MYLK4: variants seen among roughly 807,000 people sequenced by gnomAD.
MYLK4 encodes caMLCK like.
In MYLK4, 46 loss-of-function variants were observed where a neutral mutation model predicts 48.1. That is an observed-to-expected ratio of 0.96 (90% CI 0.75 to 1.22). MYLK4 has a LOEUF of 1.22. MYLK4 is among the 50% of genes most tolerant of loss of function. The probability of loss-of-function intolerance (pLI) is 0.00; values close to 1 mark genes in which losing one functional copy is unlikely to be tolerated. For missense variants in MYLK4, 451 were observed against 486.1 expected, an observed-to-expected ratio of 0.93 and a Z score of 0.68; for synonymous variants, 170 against 180.8, an observed-to-expected ratio of 0.94 and a Z score of 0.48.
At chr6:2,747,292 G>A (rs527456165) in intron 2 of MYLK4, among the ~76,000 whole-genome samples, 8 of 152,244 alleles carry the variant, frequency 5.3e-5, no homozygotes, top group South Asian at 2.1e-4. Context: ...GTAGTTGGCT[G>A]CACAAAAGTA....
Position 2,685,960 on chromosome 6 carries a change from C to G in MYLK4, c.342-384G>C, listed in dbSNP as rs560012470. ...GCATGTGTCTGTAGTCCCAGCTACT[C>G]GGGAGGCTGAGGCAGGAGAACGGCG... is the stretch of plus-strand genomic sequence containing the variant. On this transcript the variant is annotated intron_variant, in intron 4 of 12. Transcript: ENST00000274643. This position sits in a 1 kb window ranked among gnomAD's most constrained non-coding sequence, Gnocchi z 4.5. Among the ~76,000 whole-genome samples, 6 of 151,252 alleles carry G rather than the reference C, an allele frequency of 4.0e-5. No individual in the cohort carries two copies. The highest frequency in any genetic ancestry group is 1.9e-4 in the East Asian group (1 of 5,132).
chr6:2,758,465 C>T, the MYLK4 span, among the ~76,000 whole-genome samples: 3 of 151,316 alleles, frequency 2.0e-5, no homozygotes, highest in African/African-American at 7.3e-5. Context: ...ATATATGTAT[C>T]TTTTATTGAA....
At chr6:2,766,183 G>A in the MYLK4 span, 1 of 1,381,830 alleles carries the variant, frequency 7.2e-7, no homozygotes, top group Middle Eastern at 2.6e-4. Context: ...ACGACCCGGG[G>A]CACTGGGACG....
At chr6:2,770,012 C>A in the MYLK4 span, 2 of 1,494,656 alleles carry the variant, frequency 1.3e-6, no homozygotes, top group South Asian at 2.5e-5. Flanking sequence ...TTCCTGAACT[C>A]GAAAGATAAA....
chr6:2,687,815 C>T (rs1761616659), intron 4 of MYLK4, among the ~76,000 whole-genome samples: 1 of 152,188 alleles, frequency 6.6e-6, no homozygotes, highest in South Asian at 2.1e-4. Flanking sequence ...ACTGCAGTAG[C>T]GATGCGTGCT....
intron 2 of MYLK4, among the ~76,000 whole-genome samples, chr6:2,718,573 T>C (rs1186794224): frequency 6.6e-6 from 1 of 152,134 alleles, no homozygotes; most frequent in Non-Finnish European, 1.5e-5. Flanking sequence ...TTTGGGACCA[T>C]GAAGAAAAGG....
chr6:2,761,619 G>A, the MYLK4 span, among the ~76,000 whole-genome samples: 1 of 152,118 alleles, frequency 6.6e-6, no homozygotes, highest in Non-Finnish European at 1.5e-5. Flanking sequence ...AGACCGTGAG[G>A]TAGGCATTCT....
In MYLK4 at chr6:2,702,883, C is replaced by G. The variant is rs1188948231; in HGVS notation, c.160-10024G>C. ...GTTTTACTCCTAAGATATGCTTAAG[C>G]CCTCAATATATGAAGAACATGAACA... On this transcript the variant is annotated intron_variant, in intron 2 of 12. Transcript: ENST00000274643. Among the ~76,000 whole-genome samples the G allele has an allele frequency of 2.0e-5, 3 of 152,164 alleles. 1 individual carries two copies. The South Asian group carries it at 6.2e-4, about 32-fold the overall frequency.
At chr6:2,769,611 C>T in the MYLK4 span, among the ~76,000 whole-genome samples, 3 of 152,112 alleles carry the variant, frequency 2.0e-5, no homozygotes, top group Middle Eastern at 3.4e-3. Context: ...TCTGACGAGG[C>T]GTTAGCATTC....
At chr6:2,688,058 CTT>C (rs534105075) in intron 4 of MYLK4, among the ~76,000 whole-genome samples, 1 of 127,474 alleles carries the variant, frequency 7.8e-6, no homozygotes, top group Non-Finnish European at 1.8e-5. Flanking sequence ...TTTTTCTTTT[CTT>C]TTTTTTTCTT....
intron 2 of MYLK4, among the ~76,000 whole-genome samples, chr6:2,699,457 A>AT (rs11398275): frequency 0.87 from 120,828 of 138,100 alleles, 52,968 homozygotes; most frequent in Non-Finnish European, 0.91. Context: ...CACCTGGCTA[A>AT]TTTTTTTTTT....
At position 2,688,896 on chromosome 6, in the gene MYLK4, G is replaced by A. The variant is rs771991937; in HGVS notation, c.296C>T (p.Ala99Val). 1.7e-5 allele frequency: 27 copies of A among 1,614,044 alleles called. No individual in the cohort carries two copies. The highest frequency in any genetic ancestry group is 1.6e-4 in the Middle Eastern group (1 of 6,082). The stretch of plus-strand genomic sequence containing the variant: ...GCTCACAGTATAGAAGCTGTTGACC[G>A]CTCCTTGCTTGGCTGTCACAATACG... The part of the protein sequence containing the change: ...DHRIVTAKQG[A>V]VNSFYTVSKT... The change falls in exon 4 of 13, where the codon GCG (alanine) becomes GTG (valine). Residue 99 changes from alanine to valine, a missense_variant. Transcript: ENST00000274643.
At chr6:2,745,980 C>A (rs1463747092) in intron 2 of MYLK4, among the ~76,000 whole-genome samples, 1 of 150,554 alleles carries the variant, frequency 6.6e-6, no homozygotes, top group Non-Finnish European at 1.5e-5. Flanking sequence ...AGGCCGGGCA[C>A]GGTGGCTCAC....
chr6:2,686,535 C>T (rs1463234082), intron 4 of MYLK4, among the ~76,000 whole-genome samples: 1 of 152,190 alleles, frequency 6.6e-6, no homozygotes, highest in South Asian at 2.1e-4. Flanking sequence ...TAAGCTAGAA[C>T]ACGTGTCCCT....
At chr6:2,766,495 G>C in the MYLK4 span, 3 of 1,448,886 alleles carry the variant, frequency 2.1e-6, no homozygotes, top group African/African-American at 4.2e-5. Flanking sequence ...GGCGGTGGAT[G>C]CAGCTGATGG....
In MYLK4 at chr6:2,730,659, G is replaced by A. The variant is rs1445761683; in HGVS notation, c.159+18477C>T. Reference sequence around the variant, plus strand: ...AATGGCCTGTGCTATTTAATACAGAGGAGATGCTTACCACAGCCCCCTCAT... The same window carrying A: ...AATGGCCTGTGCTATTTAATACAGAAGAGATGCTTACCACAGCCCCCTCAT... On this transcript the variant is annotated intron_variant, in intron 2 of 12. Coordinates refer to ENST00000274643, the MANE Select transcript of MYLK4 (RefSeq NM_001012418.5). Among the ~76,000 whole-genome samples the A allele has an allele frequency of 2.6e-5, 4 of 152,080 alleles. No individual in the cohort carries two copies. The East Asian group carries it at 7.7e-4, about 29-fold the overall frequency.
At chr6:2,686,686 G>A (rs1025693715) in intron 4 of MYLK4, among the ~76,000 whole-genome samples, 1 of 152,206 alleles carries the variant, frequency 6.6e-6, no homozygotes, top group East Asian at 1.9e-4. Flanking sequence ...CAGGGGCACT[G>A]GCGGCCGCTG....
At chr6:2,742,632 A>AC (rs1763936927) in intron 2 of MYLK4, among the ~76,000 whole-genome samples, 2 of 149,206 alleles carry the variant, frequency 1.3e-5, no homozygotes, top group African/African-American at 4.9e-5. Flanking sequence ...AAAACCGAAC[A>AC]CCGCATGTTC....
intron 2 of MYLK4, among the ~76,000 whole-genome samples, chr6:2,724,878 T>G (rs576452830): frequency 1.8e-4 from 28 of 152,292 alleles, no homozygotes; most frequent in African/African-American, 6.7e-4. Flanking sequence ...ATAGTAAAAC[T>G]ATATATAATT....
Sources: gnomAD v4.1 joint callset for allele counts (sites outside exome capture counted in the v4.1 genomes callset) on GRCh38, gnomAD v4.1.1 for gene constraint, Gnocchi (gnomAD v3.1) non-coding constraint, MANE v1.5 for transcripts, NCBI Gene and HGNC (gene_info 2026-07-23, HGNC 2026-07-21) for gene names.